The following CALU variants were observed in gnomAD, a reference collection of about 807,000 sequenced individuals.
CALU encodes IEF SSP 9302.
A neutral mutation model predicts 37.5 loss-of-function variants in CALU; 13 were observed. That is an observed-to-expected ratio of 0.35 (90% CI 0.23 to 0.55). CALU has a LOEUF of 0.55. Among genes scored for constraint, CALU ranks in the 20% least tolerant of loss-of-function variants. CALU has a pLI of 0.89. For missense variants in CALU, 282 were observed against 391.7 expected, an observed-to-expected ratio of 0.72 and a Z score of 2.36; for synonymous variants, 114 against 133.8, an observed-to-expected ratio of 0.85 and a Z score of 1.02.
chr7:128,751,139 T>A (rs900066490), intron 2 of CALU, among the ~76,000 whole-genome samples: 11 of 151,932 alleles, frequency 7.2e-5, no homozygotes, highest in African/African-American at 2.7e-4. Flanking sequence ...AATACAAACA[T>A]TAGCTGGGCC....
chr7:128,753,755 G>A (rs893148685), intron 2 of CALU, among the ~76,000 whole-genome samples: 1 of 152,094 alleles, frequency 6.6e-6, no homozygotes, highest in South Asian at 2.1e-4. Context: ...TTTATCAAAA[G>A]TGTTACTTTT....
chr7:128,743,686 A>G (rs1584998570), intron 1 of CALU, among the ~76,000 whole-genome samples: 1 of 151,860 alleles, frequency 6.6e-6, no homozygotes, highest in Non-Finnish European at 1.5e-5. Context: ...ACACCCAGCT[A>G]ATTTTTTGTA....
At chr7:128,750,427 G>T (rs2128879005) in intron 2 of CALU, among the ~76,000 whole-genome samples, 1 of 152,270 alleles carries the variant, frequency 6.6e-6, no homozygotes, top group South Asian at 2.1e-4. Context: ...GCTCCTTGCA[G>T]GTAGGGAGAA....
intron 1 of CALU, among the ~76,000 whole-genome samples, chr7:128,740,918 G>A (rs1295014102): frequency 6.6e-6 from 1 of 152,186 alleles, no homozygotes; most frequent in African/African-American, 2.4e-5. Context: ...TTATTTTAGA[G>A]TTGAGGGTCT....
chr7:128,754,171 T>G, intron 2 of CALU, 91 bp from the exon 3 acceptor site: 1 of 979,668 alleles, frequency 1.0e-6, no homozygotes, highest in Non-Finnish European at 1.5e-6. Flanking sequence ...AATTTTTTAT[T>G]TCTGTGCATT....
At chr7:128,750,907 A>AT (rs1423465690) in intron 2 of CALU, among the ~76,000 whole-genome samples, 11 of 152,200 alleles carry the variant, frequency 7.2e-5, no homozygotes, top group Non-Finnish European at 1.5e-4. Context: ...AGTTTCAGGT[A>AT]TTTTTTCTTA....
intron 6 of CALU, 57 bp downstream of exon 6, chr7:128,767,712 T>C: frequency 7.2e-7 from 1 of 1,387,264 alleles, no homozygotes; most frequent in Non-Finnish European, 1.0e-6. Flanking sequence ...TTCTAGGGGA[T>C]CACCTGAACA....
At chr7:128,739,850 C>A (rs984902443) in intron 1 of CALU, among the ~76,000 whole-genome samples, 5 of 152,150 alleles carry the variant, frequency 3.3e-5, no homozygotes, top group Admixed American at 1.3e-4. Flanking sequence ...CACCATCCTG[C>A]TTGTATCTGC....
At chr7:128,740,695 G>A (rs2060717) in intron 1 of CALU, among the ~76,000 whole-genome samples, 11,212 of 152,078 alleles carry the variant, frequency 0.074, 1,072 homozygotes, top group East Asian at 0.46. Flanking sequence ...AGAATCACAA[G>A]TAGGAAAGCC....
chr7:128,760,649 C>G (rs1801075769), intron 5 of CALU, among the ~76,000 whole-genome samples: 1 of 152,200 alleles, frequency 6.6e-6, no homozygotes, highest in East Asian at 1.9e-4. Flanking sequence ...TGGCTCACGC[C>G]TGTAATCCCA....
chr7:128,762,073 G>T (rs1281710093), intron 5 of CALU, among the ~76,000 whole-genome samples: 1 of 151,858 alleles, frequency 6.6e-6, no homozygotes, highest in African/African-American at 2.4e-5. Flanking sequence ...AGTTTATCAG[G>T]ACAGTGGATA....
intron 5 of CALU, among the ~76,000 whole-genome samples, chr7:128,764,108 T>G (rs1239332269): frequency 1.3e-5 from 2 of 152,068 alleles, no homozygotes; most frequent in Non-Finnish European, 2.9e-5. Flanking sequence ...AATATTTAAT[T>G]AAGAAATTTA....
chr7:128,752,845 C>T (rs530355579), intron 2 of CALU, among the ~76,000 whole-genome samples: 4 of 152,248 alleles, frequency 2.6e-5, no homozygotes, highest in Admixed American at 6.5e-5. Context: ...CCACCATGCC[C>T]GGCTAATTTT....
chr7:128,768,826 A>G, intron 6 of CALU, among the ~76,000 whole-genome samples: 1 of 128,992 alleles, frequency 7.8e-6, no homozygotes, highest in African/African-American at 3.0e-5. Flanking sequence ...CAGCCTGGGC[A>G]ACAAGAGCGA....
At chr7:128,754,872 G>A (rs1800813195) in intron 3 of CALU, 1 of 428,846 alleles carries the variant, frequency 2.3e-6, no homozygotes, top group East Asian at 3.5e-5. Context: ...TGTATATTAT[G>A]TATTTTTAAA....
In CALU at chr7:128,743,880, A is replaced by G. The variant is rs866966017; in HGVS notation, c.-12+4448A>G. ...CATTAACTTTGTATCATTTGGTTTC[A>G]ATTTGGTTGAAAAGACAAAGATGCT... On this transcript the variant is annotated intron_variant, in intron 1 of 6. Coordinates refer to ENST00000249364, the MANE Select transcript of CALU (RefSeq NM_001219.5). Among the ~76,000 whole-genome samples, 4 of 152,084 alleles carry G rather than the reference A, an allele frequency of 2.6e-5. No homozygotes were observed. The South Asian group carries it at 8.3e-4, about 31-fold the overall frequency.
intron 1 of CALU, among the ~76,000 whole-genome samples, chr7:128,741,709 C>T (rs574247015): frequency 9.7e-4 from 148 of 152,332 alleles, no homozygotes; most frequent in African/African-American, 3.3e-3. Flanking sequence ...AACAGTGTCA[C>T]GCATGTTACA....
chr7:128,769,125 C>G lies in CALU; in HGVS notation c.906C>G (p.Ala302=), dbSNP rs776385092. ...ATGACTTATTTGTTGGCAGCCAGGCCACAGATTTTGGGGAGGCCTTAGTAC... is the reference window on the plus strand; with the variant it reads ...ATGACTTATTTGTTGGCAGCCAGGCGACAGATTTTGGGGAGGCCTTAGTAC... ...DKYDLFVGSQ[A]TDFGEALVRH... The change falls in exon 7 of 7, where the codon GCC becomes GCG. Residue 302 remains alanine (A), a synonymous_variant. Coordinates refer to ENST00000249364, the MANE Select transcript of CALU (RefSeq NM_001219.5). 4.3e-6 allele frequency: 7 copies of G among 1,613,194 alleles called. No individual in the cohort carries two copies. Among genetic ancestry groups the G allele is most frequent in the Middle Eastern group, 1.7e-4 (1 of 6,060 alleles).
intron 1 of CALU, among the ~76,000 whole-genome samples, chr7:128,743,133 T>C (rs1800302789): frequency 6.6e-6 from 1 of 152,078 alleles, no homozygotes; most frequent in Admixed American, 6.5e-5. Context: ...TAGTGGCTAC[T>C]GTACTGGGCA....
Sources: gnomAD v4.1 joint callset for allele counts (sites outside exome capture counted in the v4.1 genomes callset) on GRCh38, gnomAD v4.1.1 for gene constraint, MANE v1.5 for transcripts, NCBI Gene and HGNC (gene_info 2026-07-23, HGNC 2026-07-21) for gene names.